The following NEIL2 variants were observed in gnomAD, a reference collection of about 807,000 sequenced individuals.
The protein encoded by NEIL2 is endonuclease 8-like 2.
A neutral mutation model predicts 22.2 loss-of-function variants in NEIL2; 23 were observed. That is an observed-to-expected ratio of 1.04 (90% CI 0.75 to 1.47). The LOEUF (loss-of-function observed/expected upper bound fraction) is 1.47, where lower values mean the gene tolerates loss of function less well. NEIL2 is among the 40% of genes most tolerant of loss of function. The pLI is 0.00. For missense variants in NEIL2, 583 were observed against 404.7 expected (o/e 1.44, Z -3.78); for synonymous variants, 229 against 164.8 (o/e 1.39, Z -2.99).
chr8:11,780,081 G>C (rs1262072679), intron 3 of NEIL2, 131 bp downstream of exon 3: 16 of 717,354 alleles, frequency 2.2e-5, no homozygotes, highest in Non-Finnish European at 3.7e-5. Context: ...GCTGTCTTGG[G>C]GAGAGAGGCC....
At chr8:11,780,451 C>T (rs765491194) in intron 3 of NEIL2, among the ~76,000 whole-genome samples, 2 of 152,068 alleles carry the variant, frequency 1.3e-5, no homozygotes, top group African/African-American at 2.4e-5. Flanking sequence ...CACGATCTCG[C>T]CTCACTGCAA....
intron 3 of NEIL2, 64 bp downstream of exon 3, chr8:11,780,014 T>G: frequency 1.4e-6 from 2 of 1,442,448 alleles, no homozygotes; most frequent in Non-Finnish European, 1.9e-6. Context: ...TTGGTGGGGT[T>G]TGGGACTTCA....
At position 11,771,945 on chromosome 8, in the gene NEIL2, C is replaced by A. The variant is rs1482020514; in HGVS notation, c.138+360C>A. Among the ~76,000 whole-genome samples the A allele has an allele frequency of 3.9e-5, 6 of 152,118 alleles. No individual in the cohort carries two copies. In the East Asian group the frequency reaches 7.7e-4, roughly 20 times the overall value. On this transcript the variant is annotated intron_variant, in intron 2 of 4. Transcript: ENST00000284503. Reference sequence around the variant, plus strand: ...ACCGGCTGGGCACGGTGGCTCGCACCTGTAATCCCAGCACTTTGGGAGGCC... The same window carrying A: ...ACCGGCTGGGCACGGTGGCTCGCACATGTAATCCCAGCACTTTGGGAGGCC...
chr8:11,779,885 G>A lies in NEIL2; in HGVS notation c.426G>A (p.Trp142Ter). 3 of 1,614,162 alleles carry A rather than the reference G, an allele frequency of 1.9e-6. No individual in the cohort carries two copies. The highest frequency in any genetic ancestry group is 2.5e-6 in the Non-Finnish European group (3 of 1,180,034). The change falls in exon 3 of 5, where the codon TGG (tryptophan) becomes TGA (stop). Residue 142 changes from tryptophan (W) to a stop codon, truncating the protein, a stop_gained. Transcript: ENST00000284503. LOFTEE classifies it high-confidence loss of function. ...GCTTTGGTTTGTTTGGCAGCGTTTG[G>A]GTGAACGATTTCTCCAGAGCCAAGA... ...RVSFGLFGSV[W>*]VNDFSRAKKA...
chr8:11,784,447 C>T (rs1020868032), intron 4 of NEIL2, among the ~76,000 whole-genome samples: 2 of 152,168 alleles, frequency 1.3e-5, no homozygotes, highest in Admixed American at 6.5e-5. Context: ...GAGAACACAT[C>T]GCTAGTAAAT....
intron 1 of NEIL2, among the ~76,000 whole-genome samples, chr8:11,771,142 C>T (rs1379459584): frequency 6.6e-6 from 1 of 152,094 alleles, no homozygotes; most frequent in Non-Finnish European, 1.5e-5. Flanking sequence ...GCAGGTGCCG[C>T]TCAGGAATAA....
intron 2 of NEIL2, among the ~76,000 whole-genome samples, chr8:11,774,482 G>A (rs1306953747): frequency 4.6e-5 from 7 of 152,094 alleles, no homozygotes; most frequent in Non-Finnish European, 8.8e-5. Context: ...CACCAGGTCC[G>A]TCCCATAACA....
At chr8:11,785,677 G>C (rs1175065384) in intron 4 of NEIL2, among the ~76,000 whole-genome samples, 2 of 152,148 alleles carry the variant, frequency 1.3e-5, no homozygotes, top group Admixed American at 6.5e-5. Context: ...GGTAGGATCT[G>C]CTTGAGCTGC....
Position 11,786,349 on chromosome 8 carries a change from G to T in NEIL2, c.*76G>T. On this transcript the variant is annotated 3_prime_UTR_variant, in exon 5 of 5. Coordinates refer to ENST00000284503, the MANE Select transcript of NEIL2 (RefSeq NM_145043.4). ...CTAAGTGTCCAGAAAGGAGGATGTGGGCAGGGACGGGGTACAGAGGATAGT... is the reference window on the plus strand; with the variant it reads ...CTAAGTGTCCAGAAAGGAGGATGTGTGCAGGGACGGGGTACAGAGGATAGT... The T allele has an allele frequency of 7.1e-7, 1 of 1,414,696 alleles. No individual in the cohort carries two copies. 87.6% of individuals were successfully genotyped at this position (1,414,696 alleles called of 1,614,324 possible).
At chr8:11,777,136 T>G (rs1054782511) in intron 2 of NEIL2, among the ~76,000 whole-genome samples, 1 of 151,778 alleles carries the variant, frequency 6.6e-6, no homozygotes, top group Non-Finnish European at 1.5e-5. Context: ...GTGTGCTACG[T>G]CTGCTTCTAC....
At chr8:11,780,286 G>A (rs925988604) in intron 3 of NEIL2, among the ~76,000 whole-genome samples, 2 of 152,186 alleles carry the variant, frequency 1.3e-5, no homozygotes, top group African/African-American at 4.8e-5. Context: ...GATTTTCCCA[G>A]TTTTATTTTA....
intron 2 of NEIL2, among the ~76,000 whole-genome samples, chr8:11,777,534 C>G (rs1354447168): frequency 6.6e-6 from 1 of 152,194 alleles, no homozygotes; most frequent in Non-Finnish European, 1.5e-5. Flanking sequence ...CTAACTCCCC[C>G]TTTCCTCCCT....
In NEIL2 at chr8:11,771,541, C is replaced by G. The variant is rs1270167502; in HGVS notation, c.94C>G (p.Leu32Val). Residue 32 changes from leucine (L) to valine (V), a missense_variant, in exon 2 of 5, where the codon CTA (leucine) becomes GTA (valine). By Grantham distance (32) the Leu-to-Val change is conservative (BLOSUM62 1). Coordinates refer to ENST00000284503, the MANE Select transcript of NEIL2 (RefSeq NM_145043.4). ...VVKTGGSSKK[L>V]QPASLQSLWL... ...CAAGACAGGGGGCAGCAGTAAGAAG[C>G]TACAGCCCGCCAGCCTGCAGTCTCT... 3 of 1,614,112 alleles carry G rather than the reference C, an allele frequency of 1.9e-6. No individual in the cohort carries two copies. The highest frequency in any genetic ancestry group is 2.7e-5 in the African/African-American group (2 of 75,038).
chr8:11,773,130 CCTT>C (rs1803616269), intron 2 of NEIL2, among the ~76,000 whole-genome samples: 1 of 152,150 alleles, frequency 6.6e-6, no homozygotes, highest in Non-Finnish European at 1.5e-5. Context: ...TACACACTGT[CCTT>C]CGAGGTTTGC....
chr8:11,774,498 G>C (rs915483020), intron 2 of NEIL2, among the ~76,000 whole-genome samples: 3 of 152,246 alleles, frequency 2.0e-5, no homozygotes, highest in Non-Finnish European at 1.5e-5. Flanking sequence ...TAACACATGG[G>C]AATCATGGGA....
rs8191613 is a variant in NEIL2 at position 11,779,767 on chromosome 8, G to A, written c.308G>A (p.Arg103Gln). The A allele has an allele frequency of 0.026, 42,621 of 1,614,178 alleles. 2,267 individuals carry two copies. In the East Asian group the frequency reaches 0.27, roughly 10 times the overall value. ...CAGAAGACCCTTGATGGATCCTCAC[G>A]GTCTGCAGAGCTCGTCCCCCAGGGC... The part of the protein sequence containing the change: ...SGQKTLDGSS[R>Q]SAELVPQGED... Residue 103 changes from arginine to glutamine, a missense_variant, in exon 3 of 5, where the codon CGG becomes CAG. Coordinates refer to ENST00000284503, the MANE Select transcript of NEIL2 (RefSeq NM_145043.4).
chr8:11,776,701 G>A (rs1217784471), intron 2 of NEIL2, among the ~76,000 whole-genome samples: 2 of 152,178 alleles, frequency 1.3e-5, no homozygotes, highest in African/African-American at 4.8e-5. Flanking sequence ...TCTTGCCACA[G>A]CACCTGGGGC....
intron 3 of NEIL2, 30 bp downstream of exon 3, chr8:11,779,980 G>T (rs373921166): frequency 2.5e-6 from 4 of 1,584,784 alleles, no homozygotes; most frequent in Admixed American, 3.3e-5. Context: ...ATTTTCGTGG[G>T]CTCTGATAGT....
chr8:11,782,007 T>C (rs1804463591), intron 3 of NEIL2, among the ~76,000 whole-genome samples: 1 of 152,052 alleles, frequency 6.6e-6, no homozygotes, highest in Non-Finnish European at 1.5e-5. Context: ...GAGACTGCAG[T>C]GAGCTGTGAT....
Sources: allele counts gnomAD v4.1 joint callset (sites outside exome capture counted in the v4.1 genomes callset), GRCh38; gene constraint gnomAD v4.1.1; transcripts MANE v1.5; gene names NCBI Gene and HGNC (gene_info 2026-07-23, HGNC 2026-07-21).